Variants in PRKN observed in about 807,000 individuals in gnomAD.
PRKN encodes the protein E3 ubiquitin-protein ligase parkin.
A neutral mutation model predicts 59.5 loss-of-function variants in PRKN; 56 were observed. The observed-to-expected ratio is 0.94, with a 90% CI of 0.76 to 1.18. PRKN has a LOEUF of 1.18. Ranked by LOEUF, PRKN falls within the 50% of genes most tolerant of loss-of-function variation. The probability of loss-of-function intolerance (pLI) is 0.00; values close to 1 mark genes in which losing one functional copy is unlikely to be tolerated. For missense variants in PRKN, 657 were observed against 596.4 expected (o/e 1.10, Z -1.06); for synonymous variants, 250 against 222.1 (o/e 1.13, Z -1.12).
At chr6:161,928,643 T>C (rs928306275) in intron 6 of PRKN, among the ~76,000 whole-genome samples, 1 of 152,176 alleles carries the variant, frequency 6.6e-6, no homozygotes, top group South Asian at 2.1e-4. Flanking sequence ...CCAGACGCCA[T>C]AGTATAGTAT....
At chr6:162,006,245 T>C (rs1414955660) in intron 5 of PRKN, among the ~76,000 whole-genome samples, 1 of 152,146 alleles carries the variant, frequency 6.6e-6, no homozygotes, top group Admixed American at 6.6e-5. Flanking sequence ...CCTGGGACTT[T>C]AAAAGAGTTC....
At chr6:162,304,348 G>A (rs537749284) in intron 2 of PRKN, among the ~76,000 whole-genome samples, 2 of 150,816 alleles carry the variant, frequency 1.3e-5, no homozygotes, top group East Asian at 3.9e-4. Context: ...CTTTGTTAAT[G>A]ACCACTGCTG....
At chr6:161,843,086 A>G (rs1773013803) in intron 6 of PRKN, among the ~76,000 whole-genome samples, 1 of 152,234 alleles carries the variant, frequency 6.6e-6, no homozygotes, top group South Asian at 2.1e-4. Context: ...TCACCCAGAC[A>G]GATAAATACA....
At chr6:161,569,061 T>C (rs1339028065) in intron 8 of PRKN, among the ~76,000 whole-genome samples, 1 of 152,216 alleles carries the variant, frequency 6.6e-6, no homozygotes, top group Non-Finnish European at 1.5e-5. Flanking sequence ...ATAATTCATC[T>C]CTGCATTTAT....
intron 2 of PRKN, among the ~76,000 whole-genome samples, chr6:162,421,371 A>C (rs1788954647): frequency 6.6e-6 from 1 of 152,174 alleles, no homozygotes; most frequent in African/African-American, 2.4e-5. Context: ...TAAGAACAAT[A>C]ACTAATTTAC....
At chr6:162,331,962 G>C (rs762368241) in intron 2 of PRKN, among the ~76,000 whole-genome samples, 2 of 152,088 alleles carry the variant, frequency 1.3e-5, no homozygotes, top group African/African-American at 4.8e-5. Flanking sequence ...TCAGATATTT[G>C]TTCATTCAAT....
chr6:162,423,663 G>A (rs1477120589), intron 2 of PRKN, among the ~76,000 whole-genome samples: 1 of 152,144 alleles, frequency 6.6e-6, no homozygotes, highest in African/African-American at 2.4e-5. Flanking sequence ...CCACTTAGAG[G>A]TGAATTTCTA....
intron 2 of PRKN, among the ~76,000 whole-genome samples, chr6:162,312,837 A>G (rs763873774): frequency 1.3e-5 from 2 of 151,950 alleles, no homozygotes; most frequent in Non-Finnish European, 2.9e-5. Context: ...CATCTCTAGA[A>G]CTCCTGGAGT....
intron 7 of PRKN, among the ~76,000 whole-genome samples, chr6:161,763,703 G>A (rs1354233160): frequency 6.6e-6 from 1 of 152,024 alleles, no homozygotes; most frequent in African/African-American, 2.4e-5. Flanking sequence ...AACGTGCAAA[G>A]TGCAATATCA....
chr6:162,475,274 T>C (rs1199141809), intron 1 of PRKN, among the ~76,000 whole-genome samples: 2 of 152,224 alleles, frequency 1.3e-5, no homozygotes, highest in Non-Finnish European at 2.9e-5. Flanking sequence ...TCATTATTTA[T>C]TGAGGGCTTA....
At chr6:162,527,847 G>A (rs1300875340) in intron 1 of PRKN, among the ~76,000 whole-genome samples, 7 of 152,116 alleles carry the variant, frequency 4.6e-5, no homozygotes, top group Middle Eastern at 3.4e-3. Flanking sequence ...AGGAGAATTA[G>A]GACATTACAG....
At chr6:162,169,521 C>A (rs914244973) in intron 4 of PRKN, among the ~76,000 whole-genome samples, 9 of 152,266 alleles carry the variant, frequency 5.9e-5, no homozygotes, top group South Asian at 4.1e-4. Context: ...AATACTTAGA[C>A]AAACCATAAA....
chr6:161,859,384 C>G (rs139927282), intron 6 of PRKN, among the ~76,000 whole-genome samples: 90 of 151,990 alleles, frequency 5.9e-4, no homozygotes, highest in African/African-American at 2.0e-3. Context: ...GCGGGTGGAT[C>G]ACAAGGTCAG....
intron 7 of PRKN, among the ~76,000 whole-genome samples, chr6:161,624,094 T>C (rs1197663737): frequency 6.6e-6 from 1 of 152,238 alleles, no homozygotes; most frequent in Non-Finnish European, 1.5e-5. Flanking sequence ...TCTTGACATC[T>C]TGTAATAAAT....
At chr6:161,587,423 G>A (rs923164725) in intron 7 of PRKN, among the ~76,000 whole-genome samples, 1 of 151,934 alleles carries the variant, frequency 6.6e-6, no homozygotes, top group African/African-American at 2.4e-5. Context: ...AAAAATAAGG[G>A]CATCATTATA....
intron 6 of PRKN, among the ~76,000 whole-genome samples, chr6:161,831,900 C>T (rs532463493): frequency 1.8e-4 from 27 of 152,210 alleles, no homozygotes; most frequent in Non-Finnish European, 3.2e-4. Flanking sequence ...CCAATAGCAG[C>T]AGCCACTTTG....
chr6:162,265,251 C>T lies in PRKN; in HGVS notation c.172-2486G>A, dbSNP rs538660810. On this transcript the variant is annotated intron_variant, in intron 2 of 11. Coordinates refer to ENST00000366898, the MANE Select transcript of PRKN (RefSeq NM_004562.3). ...TTAAACTATTCTTCAAAATCATGCA[C>T]GCCTGTACATTAGTGCGCATACATC... 15 of 152,284 alleles carry T rather than the reference C, an allele frequency of 9.9e-5. No individual in the cohort carries two copies. In the South Asian group the frequency reaches 1.7e-3, roughly 17 times the overall value. 9.4% of individuals were successfully genotyped at this position (152,284 alleles called of 1,614,324 possible).
intron 4 of PRKN, among the ~76,000 whole-genome samples, chr6:162,196,123 G>C (rs1215822832): frequency 6.6e-6 from 1 of 152,192 alleles, no homozygotes; most frequent in East Asian, 1.9e-4. Flanking sequence ...AATGATAGTA[G>C]CAAGGGACAG....
At chr6:162,183,024 AT>A (rs1449493332) in intron 4 of PRKN, among the ~76,000 whole-genome samples, 4 of 152,250 alleles carry the variant, frequency 2.6e-5, no homozygotes, top group African/African-American at 7.2e-5. Context: ...ATAAAAAAGA[AT>A]TTCTATAAAT....
Sources: gnomAD v4.1 joint callset for allele counts (sites outside exome capture counted in the v4.1 genomes callset) on GRCh38, gnomAD v4.1.1 for gene constraint, MANE v1.5 for transcripts, NCBI Gene and HGNC (gene_info 2026-07-23, HGNC 2026-07-21) for gene names.